SARS2: variants seen among roughly 807,000 people sequenced by gnomAD.
SARS2 encodes the protein seryl-tRNA synthetase 2, mitochondrial, also known as serine--tRNA ligase, mitochondrial.
Under a neutral mutation model 66.8 loss-of-function variants are expected in SARS2, and 52 were observed. The ratio of observed to expected loss-of-function variants is 0.78; its 90% CI spans 0.62 to 0.98. The LOEUF (loss-of-function observed/expected upper bound fraction) is 0.98, where lower values mean the gene tolerates loss of function less well. Among genes scored for constraint, SARS2 ranks in the 50% least tolerant of loss-of-function variants. The pLI is 0.00. For missense variants in SARS2, 673 were observed against 706.3 expected, an observed-to-expected ratio of 0.95 and a Z score of 0.53; for synonymous variants, 306 against 281.4, an observed-to-expected ratio of 1.09 and a Z score of -0.87.
At chr19:38,919,997 ATC>A in intron 6 of SARS2, 87 bp downstream of exon 6, 2 of 1,392,730 alleles carry the variant, frequency 1.4e-6, no homozygotes, top group Non-Finnish European at 2.0e-6. Flanking sequence ...GCATTTCCAC[ATC>A]TCACGCTGAG....
In SARS2 at chr19:38,915,538, C is replaced by T. The variant is rs1314078068; in HGVS notation, c.*68G>A. 2.5e-6 allele frequency: 4 copies of T among 1,578,842 alleles called. No individual in the cohort carries two copies. The East Asian group carries it at 8.9e-5, about 35-fold the overall frequency. Reference sequence around the variant, plus strand: ...CAGGACGGGCTCAGCAACACAGGTCCCAGGTGTCCGGGGTCTCCTGAACTC... The same window carrying T: ...CAGGACGGGCTCAGCAACACAGGTCTCAGGTGTCCGGGGTCTCCTGAACTC... On this transcript the variant is annotated 3_prime_UTR_variant, in exon 16 of 16. Transcript: ENST00000221431.
In SARS2 at chr19:38,926,258, G is replaced by A. The variant is rs144760517; in HGVS notation, c.310C>T (p.Arg104Trp). 9.2e-4 allele frequency: 1,477 copies of A among 1,606,004 alleles called. 14 individuals are homozygous for A. In the African/African-American group the frequency reaches 0.016, roughly 18 times the overall value. The change falls in exon 2 of 16, where the codon CGG becomes TGG. Residue 104 changes from arginine (R) to tryptophan (W), a missense_variant. Arg to Trp is a moderately radical substitution (Grantham distance 101). Transcript: ENST00000221431. The stretch of plus-strand genomic sequence containing the variant: ...GCTGCCTTCTCTTCCTCCAGGCTCC[G>A]GATCTGCTCCTGCAGCTGCCTCAGC... ...QELRQLQEQI[R>W]SLEEEKAAVT...
intron 1 of SARS2, among the ~76,000 whole-genome samples, chr19:38,929,310 T>C (rs1415490764): frequency 1.3e-5 from 2 of 150,682 alleles, no homozygotes; most frequent in Non-Finnish European, 2.9e-5. Flanking sequence ...ATCTCAGCAT[T>C]TTGGGAGGCC....
intron 8 of SARS2, 27 bp from the exon 9 acceptor site, chr19:38,918,557 A>G: frequency 6.4e-7 from 1 of 1,562,306 alleles, no homozygotes; most frequent in Admixed American, 1.7e-5. Context: ...GGCCACAGGG[A>G]TCAGGGGACA....
intron 2 of SARS2, among the ~76,000 whole-genome samples, chr19:38,924,872 G>T (rs1032080429): frequency 1.3e-5 from 2 of 152,132 alleles, no homozygotes; most frequent in African/African-American, 2.4e-5. Flanking sequence ...GGTTTGTATT[G>T]TTCCTGTGTG....
In SARS2 at chr19:38,919,831, G is replaced by T. The variant is rs1974485634; in HGVS notation, c.690C>A (p.Tyr230Ter). ...LSHVSGHRSY[Y>*]LRGAGALLQH... ...GCAGGAGGGCTCCAGCCCCGCGCAG[G>T]TAATAGGACCGGTGGCCAGACACGT... The change falls in exon 7 of 16, where the codon TAC (tyrosine) becomes TAA (stop). Residue 230 changes from tyrosine (Y) to a stop codon, truncating the protein, a stop_gained. Transcript: ENST00000221431. LOFTEE classifies it high-confidence loss of function. 6.2e-7 allele frequency: 1 copy of T among 1,614,176 alleles called. No homozygotes were observed. The highest frequency in any genetic ancestry group is 1.1e-5 in the South Asian group (1 of 91,086).
At chr19:38,925,708 A>C (rs1159108744) in intron 2 of SARS2, among the ~76,000 whole-genome samples, 1 of 152,174 alleles carries the variant, frequency 6.6e-6, no homozygotes, top group Non-Finnish European at 1.5e-5. Context: ...AGAGAGAAGG[A>C]AAGGACCTGG....
In SARS2 at chr19:38,921,613, C is replaced by T. The variant is rs143847153; in HGVS notation, c.448G>A (p.Val150Ile). 2.2e-4 allele frequency: 356 copies of T among 1,614,134 alleles called. No homozygotes were observed. The highest frequency in any genetic ancestry group is 2.9e-4 in the Non-Finnish European group (337 of 1,180,048). The stretch of plus-strand genomic sequence containing the variant: ...TGGGCCTCCCTGGGGTACAGGTGAA[C>T]AAGCTCCTTCCGGATCTCCCGGCCA... ...ARGREIRKEL[V>I]HLYPREAQLE... Residue 150 changes from valine to isoleucine, a missense_variant, in exon 4 of 16, where the codon GTT (valine) becomes ATT (isoleucine). Coordinates refer to ENST00000221431, the MANE Select transcript of SARS2 (RefSeq NM_017827.4).
At position 38,918,652 on chromosome 19, in the gene SARS2, G is replaced by A. The variant is rs1024219231; in HGVS notation, c.807+114C>T. The A allele has an allele frequency of 2.8e-6, 4 of 1,412,430 alleles. 1 individual carries two copies. The South Asian group carries it at 4.9e-5, about 17-fold the overall frequency. 87.5% of individuals were successfully genotyped at this position (1,412,430 alleles called of 1,614,324 possible). A position where few individuals can be genotyped will look rare whatever the true frequency, so the allele number is the denominator to read the frequency against. On this transcript the variant is annotated intron_variant, in intron 8 of 15. Transcript: ENST00000221431. Reference sequence around the variant, plus strand: ...GAGCTGCCCTGGCCTCCCTGGTATGGCCTGGCCCCCTCAACCCAGCCCCAG... The same window carrying A: ...GAGCTGCCCTGGCCTCCCTGGTATGACCTGGCCCCCTCAACCCAGCCCCAG...
chr19:38,926,333 C>A lies in SARS2; in HGVS notation c.268-33G>T, dbSNP rs142350896. On this transcript the variant is annotated intron_variant, in intron 1 of 15. Coordinates refer to ENST00000221431, the MANE Select transcript of SARS2 (RefSeq NM_017827.4). ...GGATATAAGAGAAAAGGAGATGAAG[C>A]AGCCATCACCCCTACCCTTCTCTCT... The A allele has an allele frequency of 2.3e-4, 372 of 1,585,686 alleles. No individual in the cohort carries two copies. In the East Asian group the frequency reaches 7.9e-3, roughly 34 times the overall value.
In SARS2 at chr19:38,918,415, T is replaced by C. The variant is rs377236830; in HGVS notation, c.916+7A>G. The C allele has an allele frequency of 3.0e-5, 49 of 1,609,854 alleles. No individual in the cohort carries two copies. The African/African-American group carries it at 5.4e-4, about 18-fold the overall frequency. On this transcript the variant is annotated splice_region_variant and intron_variant, in intron 9 of 15. Transcript: ENST00000221431. ...TGCTCCTCCCCACCACCCACACAGG[T>C]CCTCACCTGCAAGCCCCACCTCCGC... is the stretch of plus-strand genomic sequence containing the variant.
chr19:38,920,157 TG>T lies in SARS2; in HGVS notation c.590-9del. On this transcript the variant is annotated splice_polypyrimidine_tract_variant and intron_variant, in intron 5 of 15. Transcript: ENST00000221431. ...GAGGTTGGAAGGAGAAAACTGGATG[TG>T]GGTGAAAAGCACCGGTGTAAGGCAG... The T allele has an allele frequency of 6.4e-7, 1 of 1,557,044 alleles. No individual in the cohort carries two copies. Among genetic ancestry groups the T allele is most frequent in the Non-Finnish European group, 8.7e-7 (1 of 1,149,712 alleles).
chr19:38,920,174 T>C, intron 5 of SARS2, 25 bp from the exon 6 acceptor site: 1 of 1,548,474 alleles, frequency 6.5e-7, no homozygotes, highest in Non-Finnish European at 8.7e-7. Flanking sequence ...AAAGCACCGG[T>C]GTAAGGCAGC....
chr19:38,926,330 A>T, intron 1 of SARS2, 30 bp from the exon 2 acceptor site: 1 of 1,592,516 alleles, frequency 6.3e-7, no homozygotes. Flanking sequence ...AAAGGAGATG[A>T]AGCAGCCATC....
intron 6 of SARS2, 41 bp downstream of exon 6, chr19:38,920,045 C>G: frequency 6.5e-7 from 1 of 1,528,490 alleles, no homozygotes. Flanking sequence ...GGGGTGCAGG[C>G]AGCTGGGAGA....
intron 4 of SARS2, 35 bp downstream of exon 4, chr19:38,921,492 C>T: frequency 6.2e-7 from 1 of 1,614,148 alleles, no homozygotes; most frequent in Non-Finnish European, 8.5e-7. Flanking sequence ...ACTAGGTGGG[C>T]CCCTGGCCTC....
At chr19:38,921,966 A>G in intron 3 of SARS2, 1 of 1,551,196 alleles carries the variant, frequency 6.4e-7, no homozygotes, top group Non-Finnish European at 8.7e-7. Flanking sequence ...AACTGGAACT[A>G]TCAGGAAAGC....
intron 9 of SARS2, 56 bp downstream of exon 9, chr19:38,918,366 C>A (rs1974456382): frequency 6.6e-7 from 1 of 1,512,312 alleles, no homozygotes; most frequent in Admixed American, 1.7e-5. Context: ...CTGGACGCTC[C>A]CAGTTGTCCT....
chr19:38,922,889 T>C (rs1974562808), intron 2 of SARS2, among the ~76,000 whole-genome samples: 1 of 151,152 alleles, frequency 6.6e-6, no homozygotes, highest in Non-Finnish European at 1.5e-5. Context: ...CTTTATAAAT[T>C]ACCCAGTCTC....
Sources: gnomAD v4.1 joint callset for allele counts (sites outside exome capture counted in the v4.1 genomes callset) on GRCh38, gnomAD v4.1.1 for gene constraint, MANE v1.5 for transcripts, NCBI Gene and HGNC (gene_info 2026-07-23, HGNC 2026-07-21) for gene names.